SLC4A7: variants seen among roughly 807,000 people sequenced by gnomAD.
The protein encoded by SLC4A7 is solute carrier family 4 member 7, also known as sodium bicarbonate cotransporter 3.
In SLC4A7, 51 loss-of-function variants were observed where a neutral mutation model predicts 137.6. That is an observed-to-expected ratio of 0.37 (90% confidence interval 0.30 to 0.47). The LOEUF is 0.47. Ranked by LOEUF, SLC4A7 falls within the 20% of genes least tolerant of loss-of-function variation. SLC4A7 has a pLI of 1.00. For synonymous variants in SLC4A7, 542 were observed against 518.6 expected (o/e 1.05, Z -0.61); for missense variants, 1,247 against 1,525.4 (o/e 0.82, Z 3.04).
intron 3 of SLC4A7, among the ~76,000 whole-genome samples, chr3:27,440,956 A>T (rs2057143263): frequency 6.6e-6 from 1 of 152,058 alleles, no homozygotes; most frequent in Non-Finnish European, 1.5e-5. Flanking sequence ...GAGGCAGGAG[A>T]ATCGCTTGAA....
At chr3:27,415,312 C>G (rs1230352155) in intron 11 of SLC4A7, among the ~76,000 whole-genome samples, 2 of 152,164 alleles carry the variant, frequency 1.3e-5, no homozygotes, top group Non-Finnish European at 2.9e-5. Context: ...AGAAAAAGGG[C>G]TCTCATCCAG....
chr3:27,453,484 G>A (rs561598455), intron 1 of SLC4A7, among the ~76,000 whole-genome samples: 7 of 152,166 alleles, frequency 4.6e-5, no homozygotes, highest in Admixed American at 6.5e-5. Flanking sequence ...GTGGTGGCAC[G>A]CGCCTGTAAT....
rs11354696 is a variant in SLC4A7, at chr3:27,407,155, CT to C, written c.1942-2193del. ...AATTTTTGAACTGTTTCTATGTTCACTGCCATACTGTTACCTGTCTTTTCCC... is the reference window on the plus strand; with the variant it reads ...AATTTTTGAACTGTTTCTATGTTCACGCCATACTGTTACCTGTCTTTTCCC... On this transcript the variant is annotated intron_variant, in intron 13 of 25. Transcript: ENST00000454389. Among the ~76,000 whole-genome samples the C allele has an allele frequency of 8.8e-3, 1,282 of 145,954 alleles. 12 individuals are homozygous for C. The highest frequency in any genetic ancestry group is 0.03 in the African/African-American group (1,196 of 39,854).
At chr3:27,475,113 A>G (rs1181152927) in intron 1 of SLC4A7, among the ~76,000 whole-genome samples, 1 of 152,080 alleles carries the variant, frequency 6.6e-6, no homozygotes, top group Non-Finnish European at 1.5e-5. Flanking sequence ...TCAAAAAGAA[A>G]AAAAACCAGT....
chr3:27,468,959 T>C (rs1189076958), intron 1 of SLC4A7, among the ~76,000 whole-genome samples: 1 of 151,872 alleles, frequency 6.6e-6, no homozygotes, highest in African/African-American at 2.4e-5. Flanking sequence ...ATACAAATAT[T>C]AGCCAGGCTT....
chr3:27,457,682 G>A (rs376189388), intron 1 of SLC4A7, among the ~76,000 whole-genome samples: 1 of 152,052 alleles, frequency 6.6e-6, no homozygotes, highest in Non-Finnish European at 1.5e-5. Context: ...CACATTTTTG[G>A]AATGTATGTG....
chr3:27,404,842 T>C lies in SLC4A7; in HGVS notation c.2063A>G (p.Tyr688Cys), dbSNP rs768280411. 5.6e-5 allele frequency: 90 copies of C among 1,602,666 alleles called. No individual in the cohort carries two copies. Among genetic ancestry groups the C allele is most frequent in the Admixed American group, 8.8e-5 (5 of 56,728 alleles). The change falls in exon 14 of 26, where the codon TAT becomes TGT. Residue 688 changes from tyrosine (Y) to cysteine (C), a missense_variant. Physicochemically the swap from Tyr to Cys is radical, Grantham distance 194. This residue lies in a region of SLC4A7 where 499 missense variants were observed against 664.2 expected (regional missense o/e 0.75). Coordinates refer to ENST00000454389, the MANE Select transcript of SLC4A7 (RefSeq NM_001321103.2). ...GPVLVFEKIL[Y>C]KFCRDYQLSY... is the part of the protein sequence containing the mutation. ...GGCTATTACTTACCTGCAGAATTTATATAAAATTTTTTCAAACACTAGAAC... is the reference window on the plus strand; with the variant it reads ...GGCTATTACTTACCTGCAGAATTTACATAAAATTTTTTCAAACACTAGAAC...
rs1428777681 is a variant in SLC4A7 at position 27,373,220 on chromosome 3, A to T, written c.*3544T>A. 6.6e-5 allele frequency: 10 copies of T among 152,270 alleles called. No individual in the cohort carries two copies. The East Asian group carries it at 1.9e-3, about 29-fold the overall frequency. 9.4% of individuals were successfully genotyped at this position (152,270 alleles called of 1,614,324 possible). On this transcript the variant is annotated 3_prime_UTR_variant, in exon 26 of 26. Coordinates refer to ENST00000454389, the MANE Select transcript of SLC4A7 (RefSeq NM_001321103.2). ...ATATGTGCTAATTAAATTTCATTTT[A>T]AAAATGATCTTTGGATGATTACATT...
At chr3:27,393,021 A>G (rs1415343976) in intron 20 of SLC4A7, among the ~76,000 whole-genome samples, 1 of 152,146 alleles carries the variant, frequency 6.6e-6, no homozygotes, top group Non-Finnish European at 1.5e-5. Flanking sequence ...AGAATATTAG[A>G]ACAAATCCAA....
chr3:27,434,584 G>C (rs1331520250), intron 5 of SLC4A7, among the ~76,000 whole-genome samples: 1 of 152,118 alleles, frequency 6.6e-6, no homozygotes. Context: ...CCAAGTTTCT[G>C]CTCTCTTCGA....
chr3:27,412,563 G>C (rs1177375390), intron 11 of SLC4A7, among the ~76,000 whole-genome samples: 1 of 152,134 alleles, frequency 6.6e-6, no homozygotes, highest in Non-Finnish European at 1.5e-5. Flanking sequence ...ACAAATATAA[G>C]ACTGCCATTT....
At chr3:27,422,332 A>G (rs2055063696) in intron 8 of SLC4A7, among the ~76,000 whole-genome samples, 1 of 152,118 alleles carries the variant, frequency 6.6e-6, no homozygotes, top group East Asian at 1.9e-4. Context: ...AGTGGCAGGA[A>G]CATAGCTCAC....
intron 13 of SLC4A7, among the ~76,000 whole-genome samples, chr3:27,406,288 G>A (rs1014999210): frequency 6.6e-6 from 1 of 152,186 alleles, no homozygotes; most frequent in Non-Finnish European, 1.5e-5. Flanking sequence ...AGCAAGCATG[G>A]TGTCTGGCAC....
At chr3:27,428,329 C>T (rs984032152) in intron 7 of SLC4A7, 1 of 154,230 alleles carries the variant, frequency 6.5e-6, no homozygotes, top group African/African-American at 2.4e-5. Context: ...CACTGAAAAA[C>T]AGGAATAACA....
intron 3 of SLC4A7, among the ~76,000 whole-genome samples, chr3:27,446,988 A>G (rs1445116459): frequency 6.7e-6 from 1 of 149,082 alleles, no homozygotes; most frequent in Admixed American, 6.8e-5. Flanking sequence ...GGTTCAAGCA[A>G]TTCTCTGCCT....
In SLC4A7 at chr3:27,460,440, T is replaced by C. The variant is rs563781830; in HGVS notation, c.61-7942A>G. 5.3e-5 allele frequency among the ~76,000 whole-genome samples: 8 copies of C among 152,346 alleles called. No homozygotes were observed. The South Asian group carries it at 1.7e-3, about 32-fold the overall frequency. Reference sequence around the variant, plus strand: ...GGTTAATTCTAAAACTGAAAACTCATATTAAAAAGCATCTGAAGTACTAGA... The same window carrying C: ...GGTTAATTCTAAAACTGAAAACTCACATTAAAAAGCATCTGAAGTACTAGA... On this transcript the variant is annotated intron_variant, in intron 1 of 25. Transcript: ENST00000454389.
intron 24 of SLC4A7, among the ~76,000 whole-genome samples, chr3:27,381,692 C>T (rs6787264): frequency 0.92 from 140,742 of 152,264 alleles, 65,170 homozygotes; most frequent in East Asian, 1. Context: ...TGGAAGTTAA[C>T]TAAATACCAA....
intron 7 of SLC4A7, among the ~76,000 whole-genome samples, chr3:27,429,385 G>T (rs898876925): frequency 6.6e-6 from 1 of 151,956 alleles, no homozygotes; most frequent in African/African-American, 2.4e-5. Context: ...AAAATTTCAA[G>T]GTAAATTTGG....
rs754511391 is a variant in SLC4A7 at position 27,375,984 on chromosome 3, T to G, written c.*780A>C. The G allele has an allele frequency of 1.3e-5, 2 of 151,960 alleles. No homozygotes were observed. Among genetic ancestry groups the G allele is most frequent in the African/African-American group, 2.4e-5 (1 of 41,414 alleles). The allele number at this position is 151,960 out of a possible 1,614,324, so 9.4% of individuals were successfully genotyped here. On this transcript the variant is annotated 3_prime_UTR_variant, in exon 26 of 26. Transcript: ENST00000454389. ...GGGAATCATTGGCTTTAAAAGAGCA[T>G]AAGGATTCAGAAAAAATATTCTACA...
Sources: allele counts gnomAD v4.1 joint callset (sites outside exome capture counted in the v4.1 genomes callset), GRCh38; gene constraint gnomAD v4.1.1; regional missense constraint gnomAD v4.1.1; transcripts MANE v1.5; gene names NCBI Gene and HGNC (gene_info 2026-07-23, HGNC 2026-07-21).